The following SNX24 variants were observed in gnomAD, a reference collection of about 807,000 sequenced individuals.
SNX24 encodes the protein sorting nexin-24.
A neutral mutation model predicts 28.7 loss-of-function variants in SNX24; 22 were observed. The ratio of observed to expected loss-of-function variants is 0.77; its 90% CI spans 0.55 to 1.10. The LOEUF is 1.10. Among genes scored for constraint, SNX24 ranks in the 50% least tolerant of loss-of-function variants. The pLI is 0.00. For missense variants in SNX24, 221 were observed against 201.1 expected (o/e 1.10, Z -0.60); for synonymous variants, 69 against 71.5 (o/e 0.96, Z 0.18).
At chr5:122,954,813 T>C (rs1760135009) in intron 3 of SNX24, among the ~76,000 whole-genome samples, 2 of 152,150 alleles carry the variant, frequency 1.3e-5, no homozygotes, top group Admixed American at 1.3e-4. Context: ...TTCTTGTCTT[T>C]AGTTTTCAGA....
chr5:123,012,188 C>T (rs527431561), downstream of SNX24, among the ~76,000 whole-genome samples: 1 of 152,306 alleles, frequency 6.6e-6, no homozygotes, highest in East Asian at 1.9e-4. Flanking sequence ...GTCAATTAAA[C>T]TTCTTTCCTT....
At chr5:122,961,453 TATAAC>T (rs1166008289) in intron 3 of SNX24, among the ~76,000 whole-genome samples, 2 of 152,202 alleles carry the variant, frequency 1.3e-5, no homozygotes, top group Non-Finnish European at 2.9e-5. Context: ...AGGTCCTGCT[TATAAC>T]ATGAGACAAA....
chr5:122,892,117 A>C (rs1487006494), intron 1 of SNX24, among the ~76,000 whole-genome samples: 4 of 152,202 alleles, frequency 2.6e-5, no homozygotes, highest in African/African-American at 9.6e-5. Flanking sequence ...AGGACATCTT[A>C]TATTCATTCA....
rs45551539 is a variant in SNX24 at position 123,000,112 on chromosome 5, G to C, written c.344+106G>C. 26 of 764,458 alleles carry C rather than the reference G, an allele frequency of 3.4e-5. No homozygotes were observed. The South Asian group carries it at 4.0e-4, about 12-fold the overall frequency. The allele number at this position is 764,458 out of a possible 1,614,324, so 47.4% of individuals were successfully genotyped here. On this transcript the variant is annotated intron_variant, in intron 4 of 6. Transcript: ENST00000261369. ...GATGCCCGAGTAGCCTGCCGGCCAC[G>C]CCCACTCTTTTGGCTTGCTGCAGCA... is the stretch of plus-strand genomic sequence containing the variant.
At chr5:122,911,306 T>C (rs1473450218) in intron 1 of SNX24, among the ~76,000 whole-genome samples, 3 of 152,260 alleles carry the variant, frequency 2.0e-5, no homozygotes, top group African/African-American at 7.2e-5. Context: ...GCCCACTTTT[T>C]GATGGGGTTG....
At chr5:123,026,094 T>C (rs1762849038) in intron 5 of SNX24, 1 of 778,282 alleles carries the variant, frequency 1.3e-6, no homozygotes, top group Non-Finnish European at 2.0e-6. Context: ...GGAAGACATG[T>C]TCAAACATAA....
intron 3 of SNX24, among the ~76,000 whole-genome samples, chr5:122,964,760 A>G (rs1760645757): frequency 6.6e-6 from 1 of 152,094 alleles, no homozygotes. Context: ...TATTCCCTCC[A>G]TATTATGTTG....
At chr5:122,860,463 T>C (rs1448668518) in intron 1 of SNX24, among the ~76,000 whole-genome samples, 1 of 152,242 alleles carries the variant, frequency 6.6e-6, no homozygotes, top group Non-Finnish European at 1.5e-5. Flanking sequence ...TGGGCCACTC[T>C]AAACATTGAA....
At chr5:122,916,610 G>A (rs1415066135) in intron 1 of SNX24, among the ~76,000 whole-genome samples, 1 of 152,066 alleles carries the variant, frequency 6.6e-6, no homozygotes, top group Non-Finnish European at 1.5e-5. Context: ...TTAACATTCT[G>A]CATCCCAAAT....
At chr5:122,969,725 GTTA>G (rs1368057418) in intron 3 of SNX24, among the ~76,000 whole-genome samples, 1 of 152,148 alleles carries the variant, frequency 6.6e-6, no homozygotes, top group Non-Finnish European at 1.5e-5. Flanking sequence ...ATCTGTTTCT[GTTA>G]TTATTTTAAA....
chr5:122,926,222 C>T (rs1271188058), intron 1 of SNX24, among the ~76,000 whole-genome samples: 1 of 152,118 alleles, frequency 6.6e-6, no homozygotes, highest in Non-Finnish European at 1.5e-5. Context: ...ACTCAAAAGC[C>T]TGTTATAGGT....
At chr5:122,974,825 G>A (rs1429335559) in intron 3 of SNX24, among the ~76,000 whole-genome samples, 5 of 152,256 alleles carry the variant, frequency 3.3e-5, no homozygotes, top group East Asian at 3.9e-4. Context: ...CAGCTCTAAC[G>A]GCTTCCATTC....
At chr5:122,863,072 C>G (rs1755551097) in intron 1 of SNX24, among the ~76,000 whole-genome samples, 1 of 152,146 alleles carries the variant, frequency 6.6e-6, no homozygotes, top group African/African-American at 2.4e-5. Context: ...AATTCTCTAC[C>G]TTCAAGGAGC....
chr5:122,848,123 G>C (rs1754725054), intron 1 of SNX24, among the ~76,000 whole-genome samples: 1 of 152,110 alleles, frequency 6.6e-6, no homozygotes, highest in Non-Finnish European at 1.5e-5. Context: ...GTTTTTAAGA[G>C]CTAGGATCTT....
intron 3 of SNX24, among the ~76,000 whole-genome samples, chr5:122,976,140 T>C (rs966070835): frequency 6.6e-6 from 1 of 152,150 alleles, no homozygotes; most frequent in Admixed American, 6.5e-5. Context: ...TAAGGAAAGA[T>C]GTCCAACACC....
intron 5 of SNX24, among the ~76,000 whole-genome samples, chr5:123,021,107 C>A (rs1172871368): frequency 2.0e-5 from 3 of 150,388 alleles, no homozygotes; most frequent in Non-Finnish European, 1.5e-5. Context: ...ACACAGTTCC[C>A]CCCCCGTCCC....
intron 3 of SNX24, among the ~76,000 whole-genome samples, chr5:122,956,164 CT>C (rs1176151254): frequency 6.6e-6 from 1 of 151,988 alleles, no homozygotes; most frequent in Non-Finnish European, 1.5e-5. Context: ...AAATTCATCA[CT>C]GTGTATCTTA....
chr5:122,917,614 G>T (rs1166109376), intron 1 of SNX24, among the ~76,000 whole-genome samples: 1 of 152,174 alleles, frequency 6.6e-6, no homozygotes, highest in Non-Finnish European at 1.5e-5. Flanking sequence ...AACCACGGTG[G>T]TGGTGATGTG....
At chr5:122,858,337 G>A (rs747947077) in intron 1 of SNX24, among the ~76,000 whole-genome samples, 13 of 152,164 alleles carry the variant, frequency 8.5e-5, no homozygotes, top group Non-Finnish European at 1.3e-4. Flanking sequence ...AAATGCCGCC[G>A]ATAGGCTTGC....
Sources: allele counts gnomAD v4.1 joint callset (sites outside exome capture counted in the v4.1 genomes callset), GRCh38; gene constraint gnomAD v4.1.1; transcripts MANE v1.5; gene names NCBI Gene and HGNC (gene_info 2026-07-23, HGNC 2026-07-21).